ARHGAP31: variants seen among roughly 807,000 people sequenced by gnomAD.
ARHGAP31 encodes the protein rho GTPase-activating protein 31.
ARHGAP31 carries 34 observed loss-of-function variants against 113.9 expected under a neutral mutation model. The ratio of observed to expected loss-of-function variants is 0.30; its 90% CI spans 0.23 to 0.40. The LOEUF is 0.40. Among genes scored for constraint, ARHGAP31 ranks in the 10% least tolerant of loss-of-function variants. The pLI is 1.00. For synonymous variants in ARHGAP31, 650 were observed against 684.8 expected (o/e 0.95, Z 0.79); for missense variants, 1,548 against 1,767.1 (o/e 0.88, Z 2.22).
chr3:119,355,930 G>A (rs2080153151), intron 1 of ARHGAP31, among the ~76,000 whole-genome samples: 1 of 152,120 alleles, frequency 6.6e-6, no homozygotes, highest in African/African-American at 2.4e-5. Flanking sequence ...ATTGTGAATA[G>A]AGAGTACTTC....
rs758994452 is a variant in ARHGAP31, at chr3:119,382,296, T to C, written c.436T>C (p.Leu146=). 62 of 1,613,986 alleles carry C rather than the reference T, an allele frequency of 3.8e-5. No individual in the cohort carries two copies. The highest frequency in any genetic ancestry group is 2.4e-5 in the Non-Finnish European group (28 of 1,179,970). Residue 146 remains leucine (L), a synonymous_variant, in exon 5 of 12, where the codon TTG becomes CTG. Coordinates refer to ENST00000264245, the MANE Select transcript of ARHGAP31 (RefSeq NM_020754.4). The stretch of plus-strand genomic sequence containing the variant: ...TCAAAAAACAAACCATTCTAGGACC[T>C]TGGAATACCTGATTCGACACCTGGC... ...QELPPSHYRT[L]EYLIRHLAHI... is the part of the protein sequence containing the mutation.
chr3:119,310,205 G>A (rs1446441939), intron 1 of ARHGAP31, among the ~76,000 whole-genome samples: 1 of 152,160 alleles, frequency 6.6e-6, no homozygotes, highest in Non-Finnish European at 1.5e-5. Flanking sequence ...TGGCCACACA[G>A]GGAGCCCAGG....
chr3:119,345,208 G>A (rs987575810), intron 1 of ARHGAP31, among the ~76,000 whole-genome samples: 5 of 151,890 alleles, frequency 3.3e-5, no homozygotes, highest in South Asian at 2.1e-4. Context: ...GGATGGTCTC[G>A]ATCTCCTGAC....
At chr3:119,335,476 C>T (rs558765658) in intron 1 of ARHGAP31, among the ~76,000 whole-genome samples, 86 of 152,168 alleles carry the variant, frequency 5.7e-4, no homozygotes, top group Admixed American at 7.8e-4. Flanking sequence ...CTTTGAGGAG[C>T]CCCTAGGCCA....
intron 1 of ARHGAP31, among the ~76,000 whole-genome samples, chr3:119,323,409 G>C (rs1351886872): frequency 6.6e-6 from 1 of 152,264 alleles, no homozygotes; most frequent in Admixed American, 6.5e-5. Flanking sequence ...AGACCCCGCG[G>C]GTAGAGAAAG....
At chr3:119,354,733 G>A (rs1349997666) in intron 1 of ARHGAP31, among the ~76,000 whole-genome samples, 1 of 130,892 alleles carries the variant, frequency 7.6e-6, no homozygotes, top group African/African-American at 2.9e-5. Flanking sequence ...TCACCATGTT[G>A]GTCAGGCTGG....
chr3:119,304,401 A>G (rs1388517816), intron 1 of ARHGAP31, among the ~76,000 whole-genome samples: 4 of 152,094 alleles, frequency 2.6e-5, no homozygotes, highest in African/African-American at 4.8e-5. Context: ...AACAAACATC[A>G]TCTGACCGAG....
intron 1 of ARHGAP31, among the ~76,000 whole-genome samples, chr3:119,334,115 C>T (rs1333960056): frequency 6.6e-6 from 1 of 152,120 alleles, no homozygotes; most frequent in Non-Finnish European, 1.5e-5. Context: ...GCCCAGGGAC[C>T]CCCTTCCCCC....
chr3:119,354,179 C>T (rs2080135938), intron 1 of ARHGAP31, among the ~76,000 whole-genome samples: 3 of 152,198 alleles, frequency 2.0e-5, no homozygotes, highest in African/African-American at 7.2e-5. Flanking sequence ...CCATCCCAGG[C>T]CAGCAGGTTG....
At chr3:119,406,338 T>TA (rs760421402) in intron 10 of ARHGAP31, among the ~76,000 whole-genome samples, 12 of 152,216 alleles carry the variant, frequency 7.9e-5, no homozygotes, top group Non-Finnish European at 1.6e-4. Flanking sequence ...AGAAGAATGT[T>TA]AAAAAATATA....
At chr3:119,345,762 GCT>G (rs998904819) in intron 1 of ARHGAP31, among the ~76,000 whole-genome samples, 1 of 152,124 alleles carries the variant, frequency 6.6e-6, no homozygotes, top group Non-Finnish European at 1.5e-5. Context: ...TCTCTTCCTG[GCT>G]CTGTCCCTCT....
At chr3:119,341,788 G>A (rs564043387) in intron 1 of ARHGAP31, 2 of 150,938 alleles carry the variant, frequency 1.3e-5, no homozygotes, top group African/African-American at 4.9e-5. Flanking sequence ...AGACATTCCT[G>A]CTACCTCTCA....
chr3:119,337,409 G>C (rs1487505934), intron 1 of ARHGAP31, among the ~76,000 whole-genome samples: 1 of 152,078 alleles, frequency 6.6e-6, no homozygotes, highest in African/African-American at 2.4e-5. Context: ...TTTGTGGTGA[G>C]TGTTACAGCT....
chr3:119,371,175 C>A (rs937611814), intron 3 of ARHGAP31, among the ~76,000 whole-genome samples: 15 of 152,092 alleles, frequency 9.9e-5, no homozygotes, highest in Non-Finnish European at 2.1e-4. Context: ...AGTCTTATTT[C>A]TTTTAACTAA....
At chr3:119,336,451 A>G (rs1305231311) in intron 1 of ARHGAP31, among the ~76,000 whole-genome samples, 1 of 152,102 alleles carries the variant, frequency 6.6e-6, no homozygotes, top group African/African-American at 2.4e-5. Flanking sequence ...GGAGAGGGAC[A>G]CCTTGCATAC....
chr3:119,405,681 G>A (rs1401266974), intron 10 of ARHGAP31, among the ~76,000 whole-genome samples: 1 of 152,126 alleles, frequency 6.6e-6, no homozygotes, highest in Non-Finnish European at 1.5e-5. Flanking sequence ...ATAGATATTG[G>A]GCAACGATTA....
intron 2 of ARHGAP31, 93 bp downstream of exon 2, chr3:119,365,511 A>G (rs2080246181): frequency 2.7e-6 from 3 of 1,131,060 alleles, no homozygotes; most frequent in African/African-American, 1.5e-5. Context: ...TAAAAACCCA[A>G]AGGAACTGAG....
chr3:119,325,648 T>A (rs1405343103), intron 1 of ARHGAP31, among the ~76,000 whole-genome samples: 1 of 2,554 alleles, frequency 3.9e-4, no homozygotes, highest in African/African-American at 1.9e-3. Context: ...CTGGTGGGGA[T>A]GGCGGGGGTT....
intron 11 of ARHGAP31, among the ~76,000 whole-genome samples, chr3:119,413,316 CAAAAAA>C: frequency 1.1e-5 from 1 of 91,474 alleles, no homozygotes; most frequent in South Asian, 3.4e-4. Flanking sequence ...GACTCTGTCT[CAAAAAA>C]AAAAAAAAAA....
Sources: gnomAD v4.1 joint callset for allele counts (sites outside exome capture counted in the v4.1 genomes callset) on GRCh38, gnomAD v4.1.1 for gene constraint, MANE v1.5 for transcripts, NCBI Gene and HGNC (gene_info 2026-07-23, HGNC 2026-07-21) for gene names.